Variants in HMGCLL1 observed in about 807,000 individuals in gnomAD.
HMGCLL1 encodes the protein 3-hydroxy-3-methylglutaryl-CoA lyase like 1.
In HMGCLL1, 36 loss-of-function variants were observed where a neutral mutation model predicts 39.1. The observed-to-expected ratio is 0.92, with a 90% CI of 0.71 to 1.22. The LOEUF (loss-of-function observed/expected upper bound fraction) is 1.22, where lower values mean the gene tolerates loss of function less well. Among genes scored for constraint, HMGCLL1 ranks in the 50% most tolerant of loss-of-function variants. HMGCLL1 has a pLI of 0.00. For missense variants in HMGCLL1, 451 were observed against 416.5 expected (o/e 1.08, Z -0.72); for synonymous variants, 149 against 144.0 (o/e 1.03, Z -0.25).
Position 55,578,200 on chromosome 6 carries a change from C to T in HMGCLL1, c.108+748G>A, listed in dbSNP as rs963026864. Among the ~76,000 whole-genome samples the T allele has an allele frequency of 1.6e-4, 24 of 152,276 alleles. No individual in the cohort carries two copies. In the East Asian group the frequency reaches 4.0e-3, roughly 26 times the overall value. On this transcript the variant is annotated intron_variant, in intron 1 of 8. Coordinates refer to ENST00000274901, the MANE Select transcript of HMGCLL1 (RefSeq NM_001042406.2). The stretch of plus-strand genomic sequence containing the variant: ...GCTCCTCCTTTATTCCATGTTTCAA[C>T]ATTTTCATAACAATTATCAGTTATT...
intron 7 of HMGCLL1, among the ~76,000 whole-genome samples, chr6:55,465,186 C>A (rs1267873537): frequency 6.6e-6 from 1 of 151,970 alleles, no homozygotes; most frequent in African/African-American, 2.4e-5. Flanking sequence ...ATTGTTTTTG[C>A]TGCTAACTTG....
intron 7 of HMGCLL1, among the ~76,000 whole-genome samples, chr6:55,447,135 T>C (rs1013919547): frequency 2.0e-5 from 3 of 152,008 alleles, no homozygotes; most frequent in African/African-American, 7.2e-5. Context: ...TTACTCGTAG[T>C]TCAGTGGCCA....
At chr6:55,571,649 C>CA (rs369971928) in intron 1 of HMGCLL1, among the ~76,000 whole-genome samples, 9,494 of 147,662 alleles carry the variant, frequency 0.064, 376 homozygotes, top group South Asian at 0.12. Context: ...ACTAAAAATA[C>CA]AAAAAAAAAA....
intron 5 of HMGCLL1, among the ~76,000 whole-genome samples, chr6:55,508,972 A>C (rs1767303122): frequency 6.6e-6 from 1 of 151,848 alleles, no homozygotes. Flanking sequence ...GTCTAAATGA[A>C]GGCTATTTAG....
chr6:55,575,003 T>G (rs933162293), intron 1 of HMGCLL1, among the ~76,000 whole-genome samples: 2 of 152,048 alleles, frequency 1.3e-5, no homozygotes, highest in African/African-American at 4.8e-5. Flanking sequence ...GGAAATTTTA[T>G]TTTTGCAAAA....
intron 6 of HMGCLL1, among the ~76,000 whole-genome samples, chr6:55,497,472 G>A (rs947342019): frequency 2.6e-5 from 4 of 152,090 alleles, no homozygotes; most frequent in Middle Eastern, 3.2e-3. Flanking sequence ...CCTATTTTAT[G>A]GCAGGTGCTG....
intron 7 of HMGCLL1, among the ~76,000 whole-genome samples, chr6:55,472,637 A>G (rs1286280318): frequency 6.6e-6 from 1 of 151,452 alleles, no homozygotes; most frequent in East Asian, 1.9e-4. Flanking sequence ...TTAGATTTTT[A>G]GAAAAATTGT....
intron 7 of HMGCLL1, among the ~76,000 whole-genome samples, chr6:55,453,330 C>T (rs1380983182): frequency 6.6e-6 from 1 of 152,176 alleles, no homozygotes; most frequent in African/African-American, 2.4e-5. Context: ...AGGCGCCCGC[C>T]ACCACGTCTG....
the HMGCLL1 span, among the ~76,000 whole-genome samples, chr6:55,626,772 T>C: frequency 6.6e-6 from 1 of 152,026 alleles, no homozygotes; most frequent in Non-Finnish European, 1.5e-5. Context: ...GATTGCCACC[T>C]GGACACTTTG....
the HMGCLL1 span, among the ~76,000 whole-genome samples, chr6:55,600,016 T>A: frequency 1.1e-4 from 16 of 152,198 alleles, 1 homozygote; most frequent in African/African-American, 3.6e-4. Context: ...TGTTATAAAA[T>A]TATTCTCTTA....
the HMGCLL1 span, among the ~76,000 whole-genome samples, chr6:55,664,769 G>A: frequency 1.3e-5 from 2 of 151,620 alleles, no homozygotes; most frequent in South Asian, 2.1e-4. Flanking sequence ...AACTTTGCTA[G>A]GGCTAAAGGA....
intron 3 of HMGCLL1, among the ~76,000 whole-genome samples, chr6:55,522,282 A>T (rs1276542089): frequency 6.6e-6 from 1 of 151,892 alleles, no homozygotes; most frequent in Non-Finnish European, 1.5e-5. Flanking sequence ...ATAGGGTGAA[A>T]TTTTTTATAG....
At position 55,458,139 on chromosome 6, in the gene HMGCLL1, C is replaced by T. The variant is rs1764405911; in HGVS notation, c.796-18580G>A. Among the ~76,000 whole-genome samples, 8 of 152,246 alleles carry T rather than the reference C, an allele frequency of 5.3e-5. No homozygotes were observed. The South Asian group carries it at 1.7e-3, about 32-fold the overall frequency. ...AAATGATTTATTACTGTTAAACTCT[C>T]ATGTTTTTCCTTAAGTCTTTGCTTT... On this transcript the variant is annotated intron_variant, in intron 7 of 8. Transcript: ENST00000274901.
the HMGCLL1 span, among the ~76,000 whole-genome samples, chr6:55,599,559 CAAG>C: frequency 6.6e-6 from 1 of 152,082 alleles, no homozygotes; most frequent in African/African-American, 2.4e-5. Flanking sequence ...TCCCAAACTG[CAAG>C]AACATTTTCA....
At chr6:55,463,632 C>T (rs1225106353) in intron 7 of HMGCLL1, among the ~76,000 whole-genome samples, 1 of 152,114 alleles carries the variant, frequency 6.6e-6, no homozygotes, top group Non-Finnish European at 1.5e-5. Context: ...GGGGCAACTG[C>T]AGACATTTAC....
At chr6:55,660,240 A>G in the HMGCLL1 span, among the ~76,000 whole-genome samples, 1 of 151,742 alleles carries the variant, frequency 6.6e-6, no homozygotes, top group Admixed American at 6.6e-5. Flanking sequence ...TTTTACTTTC[A>G]TGGGTACATA....
At chr6:55,676,726 A>G in the HMGCLL1 span, among the ~76,000 whole-genome samples, 1 of 152,324 alleles carries the variant, frequency 6.6e-6, no homozygotes, top group African/African-American at 2.4e-5. Context: ...AAACTCTTCA[A>G]TTTGCAAATC....
intron 7 of HMGCLL1, chr6:55,439,854 T>C (rs1763524411): frequency 4.0e-6 from 1 of 248,700 alleles, no homozygotes; most frequent in Non-Finnish European, 7.6e-6. Context: ...GTGGTGAAGC[T>C]TAGAGTAAGG....
the HMGCLL1 span, among the ~76,000 whole-genome samples, chr6:55,620,321 A>G: frequency 6.6e-6 from 1 of 152,080 alleles, no homozygotes; most frequent in Non-Finnish European, 1.5e-5. Context: ...ACAGTGTACC[A>G]GGGTTCCCTT....
Sources: gnomAD v4.1 joint callset for allele counts (sites outside exome capture counted in the v4.1 genomes callset) on GRCh38, gnomAD v4.1.1 for gene constraint, MANE v1.5 for transcripts, NCBI Gene and HGNC (gene_info 2026-07-23, HGNC 2026-07-21) for gene names.